ABCC4: variants seen among roughly 807,000 people sequenced by gnomAD.
ABCC4 encodes ATP-binding cassette sub-family C member 4.
Under a neutral mutation model 168.5 loss-of-function variants are expected in ABCC4, and 102 were observed. That is an observed-to-expected ratio of 0.61 (90% CI 0.52 to 0.71). The LOEUF is 0.71. Among genes scored for constraint, ABCC4 ranks in the 30% least tolerant of loss-of-function variants. The pLI is 0.00. For missense variants in ABCC4, 1,402 were observed against 1,605.8 expected (o/e 0.87, Z 2.17); for synonymous variants, 617 against 590.7 (o/e 1.04, Z -0.65).
In ABCC4 at chr13:95,083,241, G is replaced by A; in HGVS notation, c.2585C>T (p.Pro862Leu). ...GVVSVAVAVI[P>L]WIAIPLVPLG... ...GGGAACCAAGGGTATTGCGATCCAA[G>A]GAATCACGGCCACAGCCACAGAGAC... Residue 862 changes from proline (P) to leucine (L), a missense_variant, in exon 21 of 31, where the codon CCT becomes CTT. Transcript: ENST00000645237. The A allele has an allele frequency of 6.2e-7, 1 of 1,613,980 alleles. No individual in the cohort carries two copies. Among genetic ancestry groups the A allele is most frequent in the Non-Finnish European group, 8.5e-7 (1 of 1,179,948 alleles).
chr13:95,124,430 G>A (rs188962654), intron 19 of ABCC4, among the ~76,000 whole-genome samples: 1 of 152,088 alleles, frequency 6.6e-6, no homozygotes, highest in East Asian at 1.9e-4. Flanking sequence ...GGTGGCTCAA[G>A]CCTGCAATCC....
At chr13:95,189,529 A>G (rs2038190045) in intron 9 of ABCC4, among the ~76,000 whole-genome samples, 1 of 152,192 alleles carries the variant, frequency 6.6e-6, no homozygotes, top group African/African-American at 2.4e-5. Context: ...AGGTGGCAGC[A>G]TGAGTACATG....
intron 4 of ABCC4, among the ~76,000 whole-genome samples, chr13:95,226,879 T>C (rs1348753235): frequency 6.6e-6 from 1 of 152,236 alleles, no homozygotes; most frequent in African/African-American, 2.4e-5. Context: ...GCAACCCATA[T>C]GCTATCTCTG....
intron 14 of ABCC4, 131 bp from the exon 15 acceptor site, chr13:95,166,498 A>T: frequency 1.4e-6 from 1 of 739,638 alleles, no homozygotes; most frequent in South Asian, 1.9e-5. Flanking sequence ...CCTAGTTGAC[A>T]AATCTAATAC....
chr13:95,155,528 T>C (rs72643619), intron 19 of ABCC4, among the ~76,000 whole-genome samples: 6,822 of 152,272 alleles, frequency 0.045, 219 homozygotes, highest in Middle Eastern at 0.13. Context: ...TTTTCTTTTA[T>C]CTAGTGTTTT....
At chr13:95,227,994 G>A (rs2039513206) in intron 4 of ABCC4, among the ~76,000 whole-genome samples, 1 of 152,188 alleles carries the variant, frequency 6.6e-6, no homozygotes, top group Non-Finnish European at 1.5e-5. Context: ...ACAGGTGTGA[G>A]CCACTGCACC....
intron 3 of ABCC4, among the ~76,000 whole-genome samples, chr13:95,236,480 A>T (rs753483657): frequency 1.3e-5 from 2 of 152,166 alleles, no homozygotes; most frequent in Non-Finnish European, 2.9e-5. Flanking sequence ...ATTAACACAC[A>T]CTTTCATCCC....
chr13:95,169,447 C>T (rs1042321322), intron 14 of ABCC4, among the ~76,000 whole-genome samples: 1 of 152,182 alleles, frequency 6.6e-6, no homozygotes, highest in Non-Finnish European at 1.5e-5. Context: ...CCTCTGACAA[C>T]TGCTCTGAGC....
chr13:95,102,946 T>G lies in ABCC4; in HGVS notation c.2535+12976A>C, dbSNP rs184566380. Among the ~76,000 whole-genome samples the G allele has an allele frequency of 2.0e-4, 30 of 150,880 alleles. No homozygotes were observed. The East Asian group carries it at 6.0e-3, about 30-fold the overall frequency. ...CAGTCACATCTAATCTTATTCACAGTAGCACACTCAACACTCACACCTTTA... is the reference window on the plus strand; with the variant it reads ...CAGTCACATCTAATCTTATTCACAGGAGCACACTCAACACTCACACCTTTA... On this transcript the variant is annotated intron_variant, in intron 20 of 30. Coordinates refer to ENST00000645237, the MANE Select transcript of ABCC4 (RefSeq NM_005845.5).
intron 8 of ABCC4, 106 bp downstream of exon 8, chr13:95,206,426 G>C (rs1049882792): frequency 2.1e-6 from 3 of 1,463,054 alleles, no homozygotes; most frequent in Non-Finnish European, 1.9e-6. Flanking sequence ...TTTTGGTTAT[G>C]AGAGAGTTAA....
chr13:95,052,004 G>A (rs772070081), intron 27 of ABCC4, among the ~76,000 whole-genome samples: 7 of 150,294 alleles, frequency 4.7e-5, no homozygotes, highest in Middle Eastern at 6.6e-3. Context: ...ATTTTGAGAC[G>A]GAGTCTTGCT....
At chr13:95,232,583 A>G (rs146450159) in intron 4 of ABCC4, among the ~76,000 whole-genome samples, 3,525 of 152,078 alleles carry the variant, frequency 0.023, 121 homozygotes, top group African/African-American at 0.079. Flanking sequence ...AGGCTGAGGC[A>G]GAAGAATCGC....
chr13:95,137,268 G>T (rs185387852), intron 19 of ABCC4, among the ~76,000 whole-genome samples: 1 of 152,168 alleles, frequency 6.6e-6, no homozygotes, highest in Non-Finnish European at 1.5e-5. Context: ...GGAAGGCCAC[G>T]TGTATTGAGA....
At chr13:95,281,935 C>T (rs867424385) in intron 1 of ABCC4, among the ~76,000 whole-genome samples, 2 of 152,038 alleles carry the variant, frequency 1.3e-5, no homozygotes, top group Admixed American at 6.6e-5. Context: ...GGCAAAACCC[C>T]GTCTCTACTA....
At chr13:95,295,519 G>A (rs114887488) in intron 1 of ABCC4, among the ~76,000 whole-genome samples, 12,106 of 151,994 alleles carry the variant, frequency 0.08, 547 homozygotes, top group Non-Finnish European at 0.11. Flanking sequence ...TTAGCTGGAT[G>A]CAGTGGCGTG....
At chr13:95,245,105 C>A (rs4148445) in intron 3 of ABCC4, among the ~76,000 whole-genome samples, 1 of 152,124 alleles carries the variant, frequency 6.6e-6, no homozygotes, top group Non-Finnish European at 1.5e-5. Flanking sequence ...CCAAATCTCA[C>A]TGTAGTCCAG....
Position 95,171,036 on chromosome 13 carries a change from T to G in ABCC4, c.1728-408A>C, listed in dbSNP as rs187153493. 3.5e-3 allele frequency among the ~76,000 whole-genome samples: 536 copies of G among 151,922 alleles called. 1 individual carries two copies. Among genetic ancestry groups the G allele is most frequent in the Middle Eastern group, 0.017 (5 of 292 alleles). On this transcript the variant is annotated intron_variant, in intron 13 of 30. Coordinates refer to ENST00000645237, the MANE Select transcript of ABCC4 (RefSeq NM_005845.5). ...CGGTTTCTTAGATGATAATTTATAA[T>G]GCACATATCAACGCCCCCCCTCCAC...
chr13:95,148,387 C>CTAT (rs1282226105), intron 19 of ABCC4, among the ~76,000 whole-genome samples: 1 of 152,140 alleles, frequency 6.6e-6, no homozygotes, highest in Admixed American at 6.6e-5. Context: ...GATCCCAAAT[C>CTAT]ATATAGTGAT....
At chr13:95,258,346 A>G (rs761612134) in intron 1 of ABCC4, among the ~76,000 whole-genome samples, 8 of 152,230 alleles carry the variant, frequency 5.3e-5, no homozygotes, top group Non-Finnish European at 7.4e-5. Flanking sequence ...TGTTTCTGAC[A>G]GTCTCCCACA....
Sources: gnomAD v4.1 joint callset for allele counts (sites outside exome capture counted in the v4.1 genomes callset) on GRCh38, gnomAD v4.1.1 for gene constraint, MANE v1.5 for transcripts, NCBI Gene and HGNC (gene_info 2026-07-23, HGNC 2026-07-21) for gene names.